The following NAV2 variants were observed in gnomAD, a reference collection of about 807,000 sequenced individuals.
NAV2 encodes the protein neuron navigator 2.
A neutral mutation model predicts 223.2 loss-of-function variants in NAV2; 54 were observed. The ratio of observed to expected loss-of-function variants is 0.24; its 90% CI spans 0.19 to 0.30. The LOEUF (loss-of-function observed/expected upper bound fraction) is 0.30, where lower values mean the gene tolerates loss of function less well. Ranked by LOEUF, NAV2 falls within the 10% of genes least tolerant of loss-of-function variation. The pLI is 1.00. For missense variants in NAV2, 2,806 were observed against 3,147.5 expected, an observed-to-expected ratio of 0.89 and a Z score of 2.60; for synonymous variants, 1,279 against 1,239.3, an observed-to-expected ratio of 1.03 and a Z score of -0.67.
At chr11:19,859,162 T>TTTTTTTTTTTTTTATG (rs2061548215) in intron 3 of NAV2, among the ~76,000 whole-genome samples, 2 of 135,316 alleles carry the variant, frequency 1.5e-5, no homozygotes, top group Admixed American at 7.7e-5. Flanking sequence ...TTTTTTTTAT[T>TTTTTTTTTTTTTTATG]GATCATTCTT....
chr11:19,490,542 T>C (rs2702707), intron 1 of NAV2, among the ~76,000 whole-genome samples: 1,842 of 152,360 alleles, frequency 0.012, 36 homozygotes, highest in African/African-American at 0.043. Context: ...TTCTCATTCA[T>C]TTAAGTTTAT....
chr11:20,046,596 T>TCACACACACACACACA lies in NAV2; in HGVS notation c.3902+939_3902+954dup, dbSNP rs61668060. Among the ~76,000 whole-genome samples, 396 of 145,962 alleles carry TCACACACACACACACA rather than the reference T, an allele frequency of 2.7e-3. 2 individuals carry two copies. Among genetic ancestry groups the TCACACACACACACACA allele is most frequent in the African/African-American group, 9.2e-3 (365 of 39,474 alleles). The stretch of plus-strand genomic sequence containing the variant: ...TGAAATTTTAACTTCCCCCTCCCCA[T>TCACACACACACACACA]CACACACACACACACACACACACAC... On this transcript the variant is annotated intron_variant, in intron 14 of 37. Transcript: ENST00000349880.
chr11:19,754,814 C>G (rs1197397324), intron 1 of NAV2, among the ~76,000 whole-genome samples: 4 of 152,222 alleles, frequency 2.6e-5, no homozygotes, highest in African/African-American at 9.6e-5. Flanking sequence ...CTGCAAGCAA[C>G]TGAAAATATC....
intron 6 of NAV2, among the ~76,000 whole-genome samples, chr11:19,913,237 T>C (rs1446541121): frequency 2.0e-5 from 3 of 152,248 alleles, no homozygotes; most frequent in African/African-American, 7.2e-5. Flanking sequence ...TGGTACATTT[T>C]GTATTTTTTG....
chr11:19,396,139 G>A (rs1251638199), intron 1 of NAV2, among the ~76,000 whole-genome samples: 1 of 152,166 alleles, frequency 6.6e-6, no homozygotes, highest in Non-Finnish European at 1.5e-5. Context: ...TGGTTGTTGT[G>A]AATAACCAGT....
chr11:19,933,238 G>C lies in NAV2; in HGVS notation c.994G>C (p.Glu332Gln). 1 of 1,594,434 alleles carries C rather than the reference G, an allele frequency of 6.3e-7. No homozygotes were observed. Among genetic ancestry groups the C allele is most frequent in the Non-Finnish European group, 8.5e-7 (1 of 1,170,138 alleles). Reference protein sequence around the residue: ...GMSDNAPASLESGSSSTPTNC... With the variant: ...GMSDNAPASLQSGSSSTPTNC... Reference sequence around the variant, plus strand: ...GAGTGACAATGCACCTGCTTCCTTGGAGAGCGGCAGCAGCTCCACCCCTAC... The same window carrying C: ...GAGTGACAATGCACCTGCTTCCTTGCAGAGCGGCAGCAGCTCCACCCCTAC... Residue 332 changes from glutamate to glutamine, a missense_variant, in exon 7 of 38, where the codon GAG becomes CAG. Glu to Gln is a conservative substitution (Grantham distance 29, BLOSUM62 2). Around this residue, in one of 4 missense-constraint regions of NAV2, gnomAD observed 1,167 missense variants for 1,180.5 expected, o/e 0.99. Coordinates refer to ENST00000349880, the MANE Select transcript of NAV2 (RefSeq NM_145117.5). The surrounding 1 kb of genome is among the most constrained non-coding windows in gnomAD (Gnocchi z 4.3).
At chr11:19,509,009 A>G (rs2043199465) in intron 1 of NAV2, among the ~76,000 whole-genome samples, 1 of 152,256 alleles carries the variant, frequency 6.6e-6, no homozygotes, top group South Asian at 2.1e-4. Flanking sequence ...AAAATTATTA[A>G]GCATCTACTA....
intron 2 of NAV2, among the ~76,000 whole-genome samples, chr11:19,833,026 C>A (rs2060033408): frequency 6.6e-6 from 1 of 152,116 alleles, no homozygotes; most frequent in Admixed American, 6.5e-5. Context: ...TTGGGTCTGA[C>A]AAATCAAAGG....
chr11:19,413,140 A>T (rs1455913976), intron 1 of NAV2, among the ~76,000 whole-genome samples: 3 of 152,178 alleles, frequency 2.0e-5, no homozygotes, highest in African/African-American at 7.2e-5. Context: ...CAGCTAAGGG[A>T]GCATGTTCTA....
At chr11:19,847,111 A>G (rs1306641503) in intron 3 of NAV2, among the ~76,000 whole-genome samples, 1 of 152,196 alleles carries the variant, frequency 6.6e-6, no homozygotes, top group Non-Finnish European at 1.5e-5. Context: ...TGTGTTCAGC[A>G]GAGTTATCTG....
At chr11:19,682,493 G>A (rs1278058257) in intron 1 of NAV2, among the ~76,000 whole-genome samples, 1 of 152,200 alleles carries the variant, frequency 6.6e-6, no homozygotes, top group African/African-American at 2.4e-5. Context: ...GAGGACCTGG[G>A]AGGCTGGTAT....
chr11:19,497,407 G>C (rs764435757), intron 1 of NAV2, among the ~76,000 whole-genome samples: 1 of 152,202 alleles, frequency 6.6e-6, no homozygotes, highest in African/African-American at 2.4e-5. Flanking sequence ...GACAGAGATA[G>C]AAGATGCCAG....
intron 22 of NAV2, among the ~76,000 whole-genome samples, chr11:20,069,755 C>T (rs1323523050): frequency 6.6e-6 from 1 of 152,200 alleles, no homozygotes; most frequent in Non-Finnish European, 1.5e-5. Context: ...AAAATGGAAA[C>T]CAACTTCAAG....
At chr11:19,671,352 T>C (rs910895029) in intron 1 of NAV2, among the ~76,000 whole-genome samples, 1 of 152,226 alleles carries the variant, frequency 6.6e-6, no homozygotes, top group African/African-American at 2.4e-5. Flanking sequence ...TCTTATTTCA[T>C]GTAGTTTTTA....
chr11:19,499,690 T>C (rs187763269), intron 1 of NAV2, among the ~76,000 whole-genome samples: 6 of 152,288 alleles, frequency 3.9e-5, no homozygotes, highest in Non-Finnish European at 5.9e-5. Context: ...GGTTATTGTG[T>C]AGAGTAAATG....
chr11:19,563,169 G>A (rs554416778), intron 1 of NAV2, among the ~76,000 whole-genome samples: 66 of 152,288 alleles, frequency 4.3e-4, no homozygotes, highest in African/African-American at 1.1e-3. Context: ...GAGAAGATCC[G>A]AAATCTTTTC....
chr11:19,842,290 C>T (rs780118008), intron 2 of NAV2, among the ~76,000 whole-genome samples: 1 of 152,052 alleles, frequency 6.6e-6, no homozygotes, highest in African/African-American at 2.4e-5. Context: ...TATGTGTGTC[C>T]CTTGATCTAA....
chr11:19,795,862 C>A (rs888058970), intron 1 of NAV2, among the ~76,000 whole-genome samples: 1 of 152,164 alleles, frequency 6.6e-6, no homozygotes, highest in East Asian at 1.9e-4. Context: ...ATACTTTGAG[C>A]CCTCCTTGGC....
At chr11:19,874,503 T>TG (rs1300308820) in intron 4 of NAV2, among the ~76,000 whole-genome samples, 1 of 152,202 alleles carries the variant, frequency 6.6e-6, no homozygotes, top group Non-Finnish European at 1.5e-5. Context: ...TCCAAAGCCT[T>TG]GGGGAATGTC....
Sources: gnomAD v4.1 joint callset for allele counts (sites outside exome capture counted in the v4.1 genomes callset) on GRCh38, gnomAD v4.1.1 for gene constraint, gnomAD v4.1.1 regional missense constraint, Gnocchi (gnomAD v3.1) non-coding constraint, MANE v1.5 for transcripts, NCBI Gene and HGNC (gene_info 2026-07-23, HGNC 2026-07-21) for gene names.